The following PDE4D variants were observed in gnomAD, a reference collection of about 807,000 sequenced individuals.
The protein encoded by PDE4D is 3',5'-cyclic-AMP phosphodiesterase 4D.
A neutral mutation model predicts 87.4 loss-of-function variants in PDE4D; 24 were observed. The ratio of observed to expected loss-of-function variants is 0.27; its 90% CI spans 0.20 to 0.39. PDE4D has a LOEUF of 0.39. Among genes scored for constraint, PDE4D ranks in the 10% least tolerant of loss-of-function variants. The probability of loss-of-function intolerance (pLI) is 1.00; values close to 1 mark genes in which losing one functional copy is unlikely to be tolerated. For missense variants in PDE4D, 714 were observed against 1,041.0 expected (o/e 0.69, Z 4.32); for synonymous variants, 384 against 383.2 (o/e 1.00, Z -0.02).
At chr5:60,037,597 T>C (rs1485739928) in intron 2 of PDE4D, among the ~76,000 whole-genome samples, 1 of 151,888 alleles carries the variant, frequency 6.6e-6, no homozygotes, top group Non-Finnish European at 1.5e-5. Flanking sequence ...AGAGGGAGAG[T>C]GATCTCTGCC....
At chr5:59,316,986 A>T (rs1420584982) in intron 1 of PDE4D, among the ~76,000 whole-genome samples, 1 of 152,142 alleles carries the variant, frequency 6.6e-6, no homozygotes, top group Non-Finnish European at 1.5e-5. Flanking sequence ...TCTAGGGATG[A>T]GGCTGTGGTC....
At chr5:59,820,092 A>T (rs937556711) in intron 1 of PDE4D, among the ~76,000 whole-genome samples, 15 of 152,186 alleles carry the variant, frequency 9.9e-5, no homozygotes, top group Non-Finnish European at 1.8e-4. Context: ...AGGGATGATG[A>T]AGATGCTATG....
chr5:59,021,660 G>A (rs533680882), intron 6 of PDE4D, among the ~76,000 whole-genome samples: 3 of 152,164 alleles, frequency 2.0e-5, no homozygotes, highest in East Asian at 1.9e-4. Context: ...AGAGGCTCAG[G>A]GAGGCCAAAT....
At chr5:59,882,444 G>T (rs1408384313) in intron 1 of PDE4D, among the ~76,000 whole-genome samples, 1 of 152,134 alleles carries the variant, frequency 6.6e-6, no homozygotes, top group Admixed American at 6.5e-5. Context: ...TGAGCTGGAA[G>T]CACACCTGCA....
At chr5:60,242,720 C>T (rs1747268368) in intron 1 of PDE4D, among the ~76,000 whole-genome samples, 1 of 151,920 alleles carries the variant, frequency 6.6e-6, no homozygotes, top group South Asian at 2.1e-4. Context: ...AAACAATATG[C>T]TCCTGAATGA....
At chr5:59,985,126 T>TTTTTGG (rs1394211726) in intron 3 of PDE4D, among the ~76,000 whole-genome samples, 3 of 106,140 alleles carry the variant, frequency 2.8e-5, no homozygotes, top group African/African-American at 8.1e-5. Flanking sequence ...CACCTTTCGT[T>TTTTTGG]TTTTGTTTTT....
chr5:60,261,490 A>G (rs901844849), intron 1 of PDE4D, among the ~76,000 whole-genome samples: 33 of 152,266 alleles, frequency 2.2e-4, no homozygotes, highest in African/African-American at 7.7e-4. Flanking sequence ...TATTCCATTT[A>G]ACTTTTAATT....
chr5:60,347,049 A>G (rs1021639700), intron 1 of PDE4D, among the ~76,000 whole-genome samples: 1 of 152,188 alleles, frequency 6.6e-6, no homozygotes, highest in Non-Finnish European at 1.5e-5. Flanking sequence ...ACAAATAGAC[A>G]AACAAAACAA....
intron 1 of PDE4D, among the ~76,000 whole-genome samples, chr5:60,451,349 C>T (rs1202493649): frequency 2.6e-5 from 4 of 152,050 alleles, no homozygotes; most frequent in Non-Finnish European, 5.9e-5. Flanking sequence ...GGATATCCAT[C>T]AGCTCAAACA....
intron 1 of PDE4D, among the ~76,000 whole-genome samples, chr5:59,290,828 G>T (rs1267492680): frequency 1.3e-5 from 2 of 152,112 alleles, no homozygotes; most frequent in East Asian, 1.9e-4. Flanking sequence ...TATATGAAAA[G>T]GTGCTCAACA....
intron 2 of PDE4D, among the ~76,000 whole-genome samples, chr5:60,042,520 G>T (rs964853571): frequency 1.3e-4 from 20 of 152,222 alleles, no homozygotes; most frequent in African/African-American, 4.6e-4. Context: ...CCCAGCAGGG[G>T]TCGACAGACA....
chr5:59,882,805 G>T (rs1359272471), intron 1 of PDE4D, among the ~76,000 whole-genome samples: 3 of 149,150 alleles, frequency 2.0e-5, no homozygotes, highest in African/African-American at 7.5e-5. Flanking sequence ...AATACCAGAG[G>T]ATCACTCTGT....
chr5:59,275,456 TCTAA>T, intron 1 of PDE4D: 1 of 1,571,004 alleles, frequency 6.4e-7, no homozygotes, highest in Non-Finnish European at 8.6e-7. Context: ...ATTAATACAT[TCTAA>T]CTGTCTTTCT....
intron 3 of PDE4D, among the ~76,000 whole-genome samples, chr5:59,192,128 A>G (rs1744466864): frequency 6.6e-6 from 1 of 152,174 alleles, no homozygotes; most frequent in Non-Finnish European, 1.5e-5. Context: ...TGAATTGATT[A>G]TATTATAGGT....
intron 1 of PDE4D, among the ~76,000 whole-genome samples, chr5:59,392,403 G>T (rs1239392796): frequency 6.6e-6 from 1 of 151,540 alleles, no homozygotes; most frequent in Non-Finnish European, 1.5e-5. Context: ...ACTTGGACTG[G>T]CTCTCCTTGC....
rs1480885919 is a variant in PDE4D, at chr5:58,972,839, G to A, written c.*1825C>T. On this transcript the variant is annotated 3_prime_UTR_variant, in exon 15 of 15. Transcript: ENST00000340635. Reference sequence around the variant, plus strand: ...AGTTCCTGGTGCTGAAATCAGCCAAGAGTGATCTCTAATTTTTTATTTAAC... The same window carrying A: ...AGTTCCTGGTGCTGAAATCAGCCAAAAGTGATCTCTAATTTTTTATTTAAC... The A allele has an allele frequency of 3.3e-5, 5 of 152,074 alleles. No homozygotes were observed. Among genetic ancestry groups the A allele is most frequent in the Non-Finnish European group, 5.9e-5 (4 of 68,012 alleles). The allele number at this position is 152,074 out of a possible 1,614,324, so 9.4% of individuals were successfully genotyped here. A position where few individuals can be genotyped will look rare whatever the true frequency, so the allele number is the denominator to read the frequency against.
intron 1 of PDE4D, among the ~76,000 whole-genome samples, chr5:60,417,496 A>G (rs550310778): frequency 2.8e-4 from 43 of 152,340 alleles, no homozygotes; most frequent in African/African-American, 9.6e-4. Context: ...CTTGTTTCTC[A>G]GAGGAAAAAT....
At position 59,240,412 on chromosome 5, in the gene PDE4D, A is replaced by C. The variant is rs554670106; in HGVS notation, c.456-24444T>G. Among the ~76,000 whole-genome samples the C allele has an allele frequency of 3.7e-4, 56 of 152,306 alleles. No homozygotes were observed. In the South Asian group the frequency reaches 0.011, roughly 31 times the overall value. Reference sequence around the variant, plus strand: ...GAAATAACACGAAATAGAATGCTCCAAATTTATTATTTATTTGCACCTGTG... The same window carrying C: ...GAAATAACACGAAATAGAATGCTCCCAATTTATTATTTATTTGCACCTGTG... On this transcript the variant is annotated intron_variant, in intron 1 of 14. Coordinates refer to ENST00000340635, the MANE Select transcript of PDE4D (RefSeq NM_001104631.2).
At chr5:58,976,238 G>A (rs1743749145) in intron 13 of PDE4D, 112 bp downstream of exon 13, 5 of 1,177,358 alleles carry the variant, frequency 4.2e-6, no homozygotes, top group Non-Finnish European at 5.7e-6. Flanking sequence ...TACAATTGCT[G>A]AAAGTATAAG....
Sources: gnomAD v4.1 joint callset for allele counts (sites outside exome capture counted in the v4.1 genomes callset) on GRCh38, gnomAD v4.1.1 for gene constraint, MANE v1.5 for transcripts, NCBI Gene and HGNC (gene_info 2026-07-23, HGNC 2026-07-21) for gene names.